Variants in CNTNAP2 observed in about 807,000 individuals in gnomAD.
CNTNAP2 encodes the protein contactin-associated protein-like 2.
A neutral mutation model predicts 155.2 loss-of-function variants in CNTNAP2; 98 were observed. The ratio of observed to expected loss-of-function variants is 0.63; its 90% confidence interval spans 0.54 to 0.75. The LOEUF is 0.75. CNTNAP2 is among the 30% of genes least tolerant of loss of function. The pLI, the probability that CNTNAP2 is intolerant of heterozygous loss-of-function variation, is 0.00. For synonymous variants in CNTNAP2, 651 were observed against 631.2 expected, an observed-to-expected ratio of 1.03 and a Z score of -0.47; for missense variants, 1,727 against 1,688.1, an observed-to-expected ratio of 1.02 and a Z score of -0.40.
intron 1 of CNTNAP2, among the ~76,000 whole-genome samples, chr7:146,343,676 TA>T (rs760878289): frequency 3.7e-4 from 56 of 152,310 alleles, no homozygotes; most frequent in Non-Finnish European, 4.6e-4. Context: ...GACTGAATTA[TA>T]AATTGTGTAA....
intron 8 of CNTNAP2, among the ~76,000 whole-genome samples, chr7:147,199,328 G>T (rs1340487882): frequency 6.6e-6 from 1 of 151,998 alleles, no homozygotes; most frequent in African/African-American, 2.4e-5. Context: ...CAGTCTAAGG[G>T]CTATTAATTG....
At chr7:146,487,893 A>G (rs190139673) in intron 1 of CNTNAP2, among the ~76,000 whole-genome samples, 1 of 152,284 alleles carries the variant, frequency 6.6e-6, no homozygotes, top group African/African-American at 2.4e-5. Flanking sequence ...GTGGAGAGAC[A>G]GAGAGAGACC....
intron 1 of CNTNAP2, among the ~76,000 whole-genome samples, chr7:146,764,181 C>T (rs1250298643): frequency 6.6e-6 from 1 of 152,114 alleles, no homozygotes; most frequent in East Asian, 1.9e-4. Context: ...TTTAAGAGTA[C>T]TCAAGTTCAT....
Position 148,073,143 on chromosome 7 carries a change from C to A in CNTNAP2, c.2384-44975C>A, listed in dbSNP as rs150856783. ...CAAATGACCTTTGGGGACAAAATTG[C>A]CCCCAGTTGAAAATCACTGGTCTAA... On this transcript the variant is annotated intron_variant, in intron 15 of 23. Transcript: ENST00000361727. 5.2e-3 allele frequency among the ~76,000 whole-genome samples: 788 copies of A among 152,216 alleles called. 7 individuals carry two copies. Among genetic ancestry groups the A allele is most frequent in the African/African-American group, 0.017 (710 of 41,532 alleles).
At chr7:148,017,472 T>C (rs1405522560) in intron 15 of CNTNAP2, among the ~76,000 whole-genome samples, 2 of 152,216 alleles carry the variant, frequency 1.3e-5, no homozygotes, top group Non-Finnish European at 2.9e-5. Flanking sequence ...AGTAACTAAA[T>C]ATATAAGACC....
chr7:147,936,762 A>G (rs1008015807), intron 14 of CNTNAP2, among the ~76,000 whole-genome samples: 2 of 152,166 alleles, frequency 1.3e-5, no homozygotes, highest in African/African-American at 2.4e-5. Context: ...CATGCTTGAC[A>G]CTCAAACACC....
At chr7:148,259,928 C>G (rs767487324) in intron 20 of CNTNAP2, among the ~76,000 whole-genome samples, 2 of 152,118 alleles carry the variant, frequency 1.3e-5, no homozygotes, top group East Asian at 1.9e-4. Context: ...TTTTAATGAG[C>G]CTCTATTACA....
At position 146,246,144 on chromosome 7, in the gene CNTNAP2, G is replaced by A. The variant is rs943833794; in HGVS notation, c.97+129171G>A. Among the ~76,000 whole-genome samples the A allele has an allele frequency of 1.3e-5, 2 of 151,882 alleles. 1 individual carries two copies. Among genetic ancestry groups the A allele is most frequent in the Middle Eastern group, 6.8e-3 (2 of 294 alleles). On this transcript the variant is annotated intron_variant, in intron 1 of 23. Coordinates refer to ENST00000361727, the MANE Select transcript of CNTNAP2 (RefSeq NM_014141.6). ...GGGATGTGATATTGGCATTGAGTGG[G>A]GTAAGGGTGATTAGGTTTTAATGAG...
intron 1 of CNTNAP2, among the ~76,000 whole-genome samples, chr7:146,605,832 C>T (rs970632801): frequency 7.9e-5 from 12 of 152,026 alleles, no homozygotes; most frequent in Admixed American, 3.3e-4. Flanking sequence ...TTATCTGTCT[C>T]GAATGCTGTT....
intron 13 of CNTNAP2, among the ~76,000 whole-genome samples, chr7:147,881,569 G>C (rs1431230643): frequency 6.6e-6 from 1 of 152,172 alleles, no homozygotes; most frequent in Admixed American, 6.5e-5. Context: ...TGTGACCGAG[G>C]CTCCAATAAG....
chr7:147,869,091 T>C (rs949961988), intron 13 of CNTNAP2, among the ~76,000 whole-genome samples: 4 of 152,194 alleles, frequency 2.6e-5, no homozygotes, highest in Non-Finnish European at 5.9e-5. Context: ...CTGTTCCTCT[T>C]CGGCCGTCTT....
intron 13 of CNTNAP2, among the ~76,000 whole-genome samples, chr7:147,639,973 ATGT>A (rs1447685476): frequency 2.0e-5 from 3 of 152,278 alleles, no homozygotes; most frequent in African/African-American, 7.2e-5. Context: ...TAAATTCGAG[ATGT>A]TGTCAGAAAA....
intron 13 of CNTNAP2, among the ~76,000 whole-genome samples, chr7:147,735,507 G>A (rs1796826146): frequency 6.6e-6 from 1 of 152,140 alleles, no homozygotes; most frequent in Non-Finnish European, 1.5e-5. Flanking sequence ...TGTTGATTTG[G>A]GGTGGAGAGT....
chr7:147,258,764 C>T (rs1023131132), intron 8 of CNTNAP2, among the ~76,000 whole-genome samples: 1 of 152,168 alleles, frequency 6.6e-6, no homozygotes, highest in Non-Finnish European at 1.5e-5. Context: ...TTCTTGGTAA[C>T]AGTTGTGAAC....
At chr7:146,936,787 G>C (rs1796924775) in intron 3 of CNTNAP2, among the ~76,000 whole-genome samples, 1 of 152,084 alleles carries the variant, frequency 6.6e-6, no homozygotes, top group African/African-American at 2.4e-5. Flanking sequence ...AACCAATCCA[G>C]TTGTTTCCAT....
chr7:148,383,587 G>C (rs1799118736), intron 21 of CNTNAP2, 62 bp from the exon 22 acceptor site: 1 of 1,612,144 alleles, frequency 6.2e-7, no homozygotes, highest in East Asian at 2.2e-5. Flanking sequence ...TCAAAGACAG[G>C]TATGTTGTAC....
chr7:146,837,681 C>A (rs1005380076), intron 2 of CNTNAP2, among the ~76,000 whole-genome samples: 1 of 152,140 alleles, frequency 6.6e-6, no homozygotes, highest in South Asian at 2.1e-4. Context: ...TTATGACTTT[C>A]CTTAATGGAG....
intron 15 of CNTNAP2, among the ~76,000 whole-genome samples, chr7:148,060,904 GT>G (rs1375955967): frequency 2.0e-5 from 3 of 152,126 alleles, no homozygotes; most frequent in Non-Finnish European, 4.4e-5. Flanking sequence ...GTAACAGCAA[GT>G]GAAATAAAAA....
intron 1 of CNTNAP2, among the ~76,000 whole-genome samples, chr7:146,443,880 C>G (rs969203837): frequency 7.9e-5 from 12 of 152,098 alleles, no homozygotes; most frequent in Admixed American, 7.2e-4. Context: ...GAGCATTAAG[C>G]AGAATTACAT....
Sources: gnomAD v4.1 joint callset for allele counts (sites outside exome capture counted in the v4.1 genomes callset) on GRCh38, gnomAD v4.1.1 for gene constraint, MANE v1.5 for transcripts, NCBI Gene and HGNC (gene_info 2026-07-23, HGNC 2026-07-21) for gene names.